The following HERC2 variants were observed in gnomAD, a reference collection of about 807,000 sequenced individuals.
HERC2 encodes the protein HECT and RLD domain containing E3 ubiquitin protein ligase 2.
Under a neutral mutation model 537.7 loss-of-function variants are expected in HERC2, and 102 were observed. The ratio of observed to expected loss-of-function variants is 0.19; its 90% CI spans 0.16 to 0.22. HERC2 has a LOEUF of 0.22. Ranked by LOEUF, HERC2 falls within the 10% of genes least tolerant of loss-of-function variation. HERC2 has a pLI of 1.00. For missense variants in HERC2, 4,236 were observed against 6,198.2 expected (o/e 0.68, Z 10.63); for synonymous variants, 2,224 against 2,466.2 (o/e 0.90, Z 2.91).
At chr15:28,240,056 T>C (rs1390453687) in intron 23 of HERC2, among the ~76,000 whole-genome samples, 1 of 99,006 alleles carries the variant, frequency 1.0e-5, no homozygotes, top group East Asian at 6.0e-4. Flanking sequence ...ATTGTAGGGT[T>C]TTTTTTTAAA....
At chr15:28,277,372 C>A (rs2075902061) in intron 5 of HERC2, among the ~76,000 whole-genome samples, 1 of 151,316 alleles carries the variant, frequency 6.6e-6, no homozygotes, top group Non-Finnish European at 1.5e-5. Flanking sequence ...GACTGTGTCA[C>A]AGTTTGCAAC....
chr15:28,165,911 C>T (rs1257490349), intron 68 of HERC2, among the ~76,000 whole-genome samples: 1 of 152,210 alleles, frequency 6.6e-6, no homozygotes, highest in Non-Finnish European at 1.5e-5. Context: ...GGGCCCAGAT[C>T]TTGACCTCTA....
intron 44 of HERC2, among the ~76,000 whole-genome samples, chr15:28,207,125 G>C (rs948271422): frequency 3.4e-5 from 5 of 145,730 alleles, no homozygotes; most frequent in Non-Finnish European, 7.4e-5. Flanking sequence ...CCAGATTTCT[G>C]CACTTGGTCT....
rs1889334844 is a variant in HERC2 at position 28,125,123 on chromosome 15, C to T, written c.12873G>A (p.Arg4291=). 1 of 1,614,048 alleles carries T rather than the reference C, an allele frequency of 6.2e-7. No individual in the cohort carries two copies. Among genetic ancestry groups the T allele is most frequent in the African/African-American group, 1.3e-5 (1 of 74,944 alleles). ...CCTGAAGGGCAGCTACCAACCGAGGCCTCTGGATGGCATTGGTGGTTCCGT... is the reference window on the plus strand; with the variant it reads ...CCTGAAGGGCAGCTACCAACCGAGGTCTCTGGATGGCATTGGTGGTTCCGT... ...LGDGTTNAIQ[R]PRLVAALQGK... is the part of the protein sequence containing the mutation. The change falls in exon 84 of 93, where the codon AGG becomes AGA. Residue 4291 remains arginine (R), a synonymous_variant. Transcript: ENST00000261609.
At chr15:28,299,185 T>G (rs1416575216) in intron 3 of HERC2, among the ~76,000 whole-genome samples, 1 of 152,100 alleles carries the variant, frequency 6.6e-6, no homozygotes, top group Non-Finnish European at 1.5e-5. Context: ...TGCAGCAAGA[T>G]GGTTTTGCAA....
chr15:28,228,992 G>C (rs2080133734), intron 34 of HERC2, among the ~76,000 whole-genome samples: 2 of 152,298 alleles, frequency 1.3e-5, no homozygotes, highest in African/African-American at 4.8e-5. Context: ...TGTTATACTA[G>C]AGTACTTCAA....
Position 28,216,751 on chromosome 15 carries a change from G to A in HERC2, c.6029-949C>T, listed in dbSNP as rs1320767565. On this transcript the variant is annotated intron_variant, in intron 38 of 92. Transcript: ENST00000261609. ...TTTCAGGTGCACTCACACCACTGTC[G>A]CAATCACTAACACACACACAATCCC... Among the ~76,000 whole-genome samples, 10 of 147,246 alleles carry A rather than the reference G, an allele frequency of 6.8e-5. No individual in the cohort carries two copies. The East Asian group carries it at 1.2e-3, about 18-fold the overall frequency.
chr15:28,270,808 C>G lies in HERC2; in HGVS notation c.1144G>C (p.Asp382His), dbSNP rs1369706811. The G allele has an allele frequency of 6.2e-7, 1 of 1,613,796 alleles. No individual in the cohort carries two copies. ...SFLRYLTLPQ[D>H]NELAIDLRQT... ...CGCAGATCAATGGCAAGCTCGTTGT[C>G]TTGTGGAAGGGTGAGGTACCTCAGG... The change falls in exon 10 of 93, where the codon GAC becomes CAC. Residue 382 changes from aspartate to histidine, a missense_variant. Transcript: ENST00000261609.
Position 28,130,188 on chromosome 15 carries a change from C to T in HERC2, c.12777G>A (p.Leu4259=), listed in dbSNP as rs1376882890. Residue 4259 remains leucine (L), a synonymous_variant, in exon 83 of 93, where the codon CTG becomes CTA. Coordinates refer to ENST00000261609, the MANE Select transcript of HERC2 (RefSeq NM_004667.6). ...KKVIAIATGS[L]HCVCCTEDGE... ...CATCCTCTGTGCAGCACACACAGTG[C>T]AGGGAGCCAGTGGCGATGGCGATGA... is the stretch of plus-strand genomic sequence containing the variant. 2 of 1,614,202 alleles carry T rather than the reference C, an allele frequency of 1.2e-6. No homozygotes were observed.
chr15:28,199,361 C>T (rs533802467), intron 48 of HERC2, among the ~76,000 whole-genome samples: 2 of 152,214 alleles, frequency 1.3e-5, no homozygotes, highest in Admixed American at 1.3e-4. Context: ...AAAAACATAA[C>T]AGTGGAAACA....
intron 68 of HERC2, among the ~76,000 whole-genome samples, chr15:28,165,675 T>A (rs1264511851): frequency 6.6e-6 from 1 of 150,622 alleles, no homozygotes; most frequent in African/African-American, 2.4e-5. Flanking sequence ...GGTATGGTGG[T>A]GCATGCTTGT....
intron 52 of HERC2, among the ~76,000 whole-genome samples, chr15:28,194,487 A>G (rs958264512): frequency 6.0e-5 from 9 of 150,488 alleles, no homozygotes; most frequent in Non-Finnish European, 1.0e-4. Flanking sequence ...GGAGAATGGC[A>G]TGAACCCGGG....
chr15:28,183,317 C>T (rs1357573618), intron 56 of HERC2, among the ~76,000 whole-genome samples: 1 of 152,218 alleles, frequency 6.6e-6, no homozygotes, highest in African/African-American at 2.4e-5. Context: ...TCAAGCAATC[C>T]TTCCACCTCA....
chr15:28,184,800 T>G (rs1367659453), intron 56 of HERC2, among the ~76,000 whole-genome samples: 1 of 151,398 alleles, frequency 6.6e-6, no homozygotes, highest in East Asian at 2.0e-4. Context: ...AAGCGGAGCT[T>G]GCAGTGAGCC....
intron 42 of HERC2, chr15:28,213,409 T>C: frequency 9.2e-6 from 1 of 108,758 alleles, no homozygotes; most frequent in Non-Finnish European, 1.8e-5. Context: ...TGTTTAAACA[T>C]GTTTGTTTTT....
At position 28,191,973 on chromosome 15, in the gene HERC2, C is replaced by T. The variant is rs776543141; in HGVS notation, c.8439G>A (p.Gly2813=). 4 of 1,613,512 alleles carry T rather than the reference C, an allele frequency of 2.5e-6. No homozygotes were observed. The highest frequency in any genetic ancestry group is 2.2e-5 in the East Asian group (1 of 44,872). The change falls in exon 53 of 93, where the codon GGG becomes GGA. Residue 2813 remains glycine (G), a synonymous_variant. Transcript: ENST00000261609. ...TATTAGATGCTACCTTTCCTTGCGA[C>T]CCCGATGACTGCCAGCAGGGCTCGC... ...DGSEPCWQSS[G]SQGKHWIRLE...
chr15:28,166,112 C>T (rs1272343331), intron 68 of HERC2, among the ~76,000 whole-genome samples: 1 of 152,160 alleles, frequency 6.6e-6, no homozygotes, highest in Non-Finnish European at 1.5e-5. Flanking sequence ...AGAATTAACC[C>T]GAATGCTTCA....
chr15:28,114,082 C>T (rs148344532), intron 90 of HERC2, among the ~76,000 whole-genome samples: 14 of 152,334 alleles, frequency 9.2e-5, no homozygotes, highest in African/African-American at 3.1e-4. Flanking sequence ...ACTACCCCCA[C>T]CAGAGCCCAC....
intron 67 of HERC2, 104 bp from the exon 68 acceptor site, chr15:28,167,931 T>C: frequency 1.6e-6 from 2 of 1,234,160 alleles, no homozygotes; most frequent in Non-Finnish European, 2.2e-6. Flanking sequence ...CTACTTGGGC[T>C]GTTTAGAATG....
Sources: gnomAD v4.1 joint callset for allele counts (sites outside exome capture counted in the v4.1 genomes callset) on GRCh38, gnomAD v4.1.1 for gene constraint, MANE v1.5 for transcripts, NCBI Gene and HGNC (gene_info 2026-07-23, HGNC 2026-07-21) for gene names.